The following ADGRL2 variants were observed in gnomAD, a reference collection of about 807,000 sequenced individuals.
ADGRL2 encodes the protein adhesion G protein-coupled receptor L2.
In ADGRL2, 44 loss-of-function variants were observed where a neutral mutation model predicts 157.4. That is an observed-to-expected ratio of 0.28 (90% confidence interval 0.22 to 0.36). The LOEUF (loss-of-function observed/expected upper bound fraction) is 0.36, where lower values mean the gene tolerates loss of function less well. Among genes scored for constraint, ADGRL2 ranks in the 10% least tolerant of loss-of-function variants. ADGRL2 has a pLI of 1.00. For missense variants in ADGRL2, 1,510 were observed against 1,768.9 expected (o/e 0.85, Z 2.63); for synonymous variants, 585 against 624.7 (o/e 0.94, Z 0.95).
chr1:81,541,227 T>C (rs576556465), intron 2 of ADGRL2, among the ~76,000 whole-genome samples: 6 of 152,366 alleles, frequency 3.9e-5, no homozygotes, highest in African/African-American at 1.4e-4. Flanking sequence ...ATATTATGTC[T>C]GTGTTGTATC....
At chr1:81,390,356 C>G (rs1349469861) in intron 1 of ADGRL2, among the ~76,000 whole-genome samples, 1 of 152,308 alleles carries the variant, frequency 6.6e-6, no homozygotes, top group African/African-American at 2.4e-5. Flanking sequence ...CTTGGGAGAG[C>G]TGCAGAATAA....
At chr1:81,766,124 TTGA>T (rs1413435087) in intron 2 of ADGRL2, among the ~76,000 whole-genome samples, 7 of 152,188 alleles carry the variant, frequency 4.6e-5, no homozygotes, top group East Asian at 1.9e-4. Flanking sequence ...AAAAAAACAA[TTGA>T]TGAGCTTTTT....
intron 1 of ADGRL2, among the ~76,000 whole-genome samples, chr1:81,807,971 A>G (rs560143309): frequency 1.3e-5 from 2 of 151,812 alleles, no homozygotes; most frequent in South Asian, 4.1e-4. Flanking sequence ...TTATTTTTTT[A>G]CAAAAAACCT....
chr1:81,709,592 T>A (rs2083856727), intron 1 of ADGRL2, among the ~76,000 whole-genome samples: 1 of 152,136 alleles, frequency 6.6e-6, no homozygotes, highest in Non-Finnish European at 1.5e-5. Flanking sequence ...TTTTTTTAAT[T>A]TAAACTTTAT....
chr1:81,312,909 T>C (rs1421615083), intron 1 of ADGRL2, among the ~76,000 whole-genome samples: 1 of 152,158 alleles, frequency 6.6e-6, no homozygotes, highest in African/African-American at 2.4e-5. Flanking sequence ...GAAAGAGTAC[T>C]AGTTTCAGAC....
At chr1:81,328,564 G>A (rs1661054973) in intron 1 of ADGRL2, among the ~76,000 whole-genome samples, 1 of 152,034 alleles carries the variant, frequency 6.6e-6, no homozygotes, top group African/African-American at 2.4e-5. Flanking sequence ...ATTATAAAGT[G>A]AATTCATAAT....
chr1:81,376,216 T>C (rs1341942446), intron 1 of ADGRL2, among the ~76,000 whole-genome samples: 1 of 152,224 alleles, frequency 6.6e-6, no homozygotes, highest in Non-Finnish European at 1.5e-5. Flanking sequence ...ACATACTAGT[T>C]ATTGCTAACC....
chr1:81,695,400 C>A (rs946810596), upstream of ADGRL2, among the ~76,000 whole-genome samples: 2 of 152,058 alleles, frequency 1.3e-5, no homozygotes, highest in Non-Finnish European at 2.9e-5. Context: ...TCTAAAGATA[C>A]TTTTCATTTT....
intron 2 of ADGRL2, among the ~76,000 whole-genome samples, chr1:81,558,141 G>C (rs2080356516): frequency 6.6e-6 from 1 of 152,106 alleles, no homozygotes; most frequent in Non-Finnish European, 1.5e-5. Context: ...ATGAATAAAT[G>C]AACGATGTCT....
intron 1 of ADGRL2, among the ~76,000 whole-genome samples, chr1:81,385,132 T>C (rs1035050367): frequency 1.3e-5 from 2 of 152,126 alleles, no homozygotes; most frequent in African/African-American, 4.8e-5. Context: ...CTGGAGAGAA[T>C]ACTTAAATTT....
chr1:81,355,812 C>T (rs1030854725), intron 1 of ADGRL2, among the ~76,000 whole-genome samples: 5 of 152,256 alleles, frequency 3.3e-5, no homozygotes, highest in South Asian at 2.1e-4. Flanking sequence ...GTGACCTACT[C>T]GCTCCCAGCC....
rs1252033022 is a variant in ADGRL2 at position 81,867,322 on chromosome 1, C to T, written c.73+30265C>T. 2.0e-5 allele frequency among the ~76,000 whole-genome samples: 3 copies of T among 152,112 alleles called. No individual in the cohort carries two copies. In the East Asian group the frequency reaches 5.8e-4, roughly 29 times the overall value. ...TGAACAAGGTAGCATTGTTATTGAA[C>T]CCCATGGGAAAAAAGGAGTGCTGTT... On this transcript the variant is annotated intron_variant, in intron 2 of 23. Transcript: ENST00000686636.
At chr1:81,700,650 G>A (rs542126032) in intron 1 of ADGRL2, among the ~76,000 whole-genome samples, 43 of 152,282 alleles carry the variant, frequency 2.8e-4, no homozygotes, top group African/African-American at 9.4e-4. Flanking sequence ...TAATTTGTTT[G>A]CATTAGTATT....
chr1:81,501,775 G>A (rs971846395), intron 2 of ADGRL2: 1 of 1,603,500 alleles, frequency 6.2e-7, no homozygotes, highest in Admixed American at 1.7e-5. Flanking sequence ...CAAAAATGGA[G>A]CCACTTCAGC....
intron 2 of ADGRL2, among the ~76,000 whole-genome samples, chr1:81,905,628 G>A (rs1483988050): frequency 2.0e-5 from 3 of 152,190 alleles, no homozygotes; most frequent in Non-Finnish European, 4.4e-5. Context: ...TGACAAAATA[G>A]TAAGAATTGC....
At chr1:81,531,941 C>A (rs1224877426) in intron 2 of ADGRL2, among the ~76,000 whole-genome samples, 3 of 152,110 alleles carry the variant, frequency 2.0e-5, no homozygotes, top group Non-Finnish European at 4.4e-5. Context: ...ATACTTAGGT[C>A]TAACTGGCAT....
intron 2 of ADGRL2, among the ~76,000 whole-genome samples, chr1:81,469,875 T>C (rs1397326442): frequency 6.6e-6 from 1 of 152,174 alleles, no homozygotes; most frequent in Non-Finnish European, 1.5e-5. Flanking sequence ...GCAATTCAGC[T>C]CTTTATTCTC....
chr1:81,989,834 T>TC, intron 23 of ADGRL2: 2 of 1,412,322 alleles, frequency 1.4e-6, no homozygotes, highest in Non-Finnish European at 1.8e-6. Flanking sequence ...ATGTTTTCAT[T>TC]CTTTTTTTTA....
intron 19 of ADGRL2, among the ~76,000 whole-genome samples, chr1:81,983,168 T>C (rs190094928): frequency 0.017 from 2,648 of 152,108 alleles, 49 homozygotes; most frequent in South Asian, 0.071. Flanking sequence ...CATATAGTTA[T>C]GTGTATTAAA....
Sources: gnomAD v4.1 joint callset for allele counts (sites outside exome capture counted in the v4.1 genomes callset) on GRCh38, gnomAD v4.1.1 for gene constraint, MANE v1.5 for transcripts, NCBI Gene and HGNC (gene_info 2026-07-23, HGNC 2026-07-21) for gene names.